ALK: variants seen among roughly 807,000 people sequenced by gnomAD.
ALK encodes the protein ALK tyrosine kinase receptor.
Under a neutral mutation model 163.1 loss-of-function variants are expected in ALK, and 74 were observed. The ratio of observed to expected loss-of-function variants is 0.45; its 90% CI spans 0.38 to 0.55. The LOEUF is 0.55. Among genes scored for constraint, ALK ranks in the 20% least tolerant of loss-of-function variants. The pLI is 0.00. For synonymous variants in ALK, 960 were observed against 843.2 expected (o/e 1.14, Z -2.40); for missense variants, 2,063 against 2,105.3 (o/e 0.98, Z 0.39).
At chr2:29,460,403 T>G (rs1033217098) in intron 4 of ALK, among the ~76,000 whole-genome samples, 1 of 152,142 alleles carries the variant, frequency 6.6e-6, no homozygotes, top group African/African-American at 2.4e-5. Flanking sequence ...CGCCTTGTTT[T>G]ATTGCACTTC....
At chr2:29,590,303 A>G (rs1334641020) in intron 3 of ALK, among the ~76,000 whole-genome samples, 2 of 152,206 alleles carry the variant, frequency 1.3e-5, no homozygotes, top group Non-Finnish European at 2.9e-5. Flanking sequence ...TAATTACTCT[A>G]CAACGGTCTA....
Position 29,831,113 on chromosome 2 carries a change from G to C in ALK, c.667+88880C>G, listed in dbSNP as rs1275481443. Among the ~76,000 whole-genome samples the C allele has an allele frequency of 3.5e-5, 2 of 56,794 alleles. 1 individual carries two copies. Among genetic ancestry groups the C allele is most frequent in the African/African-American group, 1.3e-4 (2 of 14,836 alleles). 37.3% of individuals were successfully genotyped at this position (56,794 alleles called of 152,430 possible). A position where few individuals can be genotyped will look rare whatever the true frequency, so the allele number is the denominator to read the frequency against. On this transcript the variant is annotated intron_variant, in intron 1 of 28. Coordinates refer to ENST00000389048, the MANE Select transcript of ALK (RefSeq NM_004304.5). ...AGGAGGAGGAGGAGGAGGAGGAGAA[G>C]AAGAAGAAGAAGGGGAAGAAGGGGA...
intron 23 of ALK, among the ~76,000 whole-genome samples, chr2:29,215,539 C>G (rs974232470): frequency 1.3e-5 from 2 of 152,154 alleles, no homozygotes; most frequent in African/African-American, 4.8e-5. Context: ...GCTGAGGACT[C>G]AGAGAGGCTA....
intron 4 of ALK, among the ~76,000 whole-genome samples, chr2:29,391,122 G>A (rs1343259112): frequency 6.6e-6 from 1 of 152,178 alleles, no homozygotes; most frequent in Non-Finnish European, 1.5e-5. Context: ...ATTGTCAGCT[G>A]TAAAGCAGTT....
intron 1 of ALK, among the ~76,000 whole-genome samples, chr2:29,895,382 G>C (rs1247206799): frequency 6.6e-6 from 1 of 152,182 alleles, no homozygotes; most frequent in Non-Finnish European, 1.5e-5. Context: ...AAAACACAGA[G>C]CTTTTCTTTA....
At chr2:29,456,597 C>T (rs4346337) in intron 4 of ALK, among the ~76,000 whole-genome samples, 67,427 of 151,956 alleles carry the variant, frequency 0.44, 15,463 homozygotes, top group South Asian at 0.59. Flanking sequence ...TACAGAATTA[C>T]AGTTTTCAAG....
At chr2:29,711,297 T>C (rs978944599) in intron 2 of ALK, among the ~76,000 whole-genome samples, 1 of 152,138 alleles carries the variant, frequency 6.6e-6, no homozygotes, top group Non-Finnish European at 1.5e-5. Context: ...TCCAGAACAC[T>C]CTTCTCCTGA....
intron 3 of ALK, among the ~76,000 whole-genome samples, chr2:29,547,573 G>A (rs1673589865): frequency 1.3e-5 from 2 of 152,160 alleles, no homozygotes; most frequent in South Asian, 2.1e-4. Context: ...CTCTAGCCTG[G>A]GCAACAGAGT....
chr2:29,549,373 G>A (rs555263901), intron 3 of ALK, among the ~76,000 whole-genome samples: 34 of 152,308 alleles, frequency 2.2e-4, no homozygotes, highest in Admixed American at 1.8e-3. Context: ...CCTTGGAGGA[G>A]AAGTAATTTA....
At chr2:29,653,496 C>T (rs560054890) in intron 3 of ALK, among the ~76,000 whole-genome samples, 1 of 152,018 alleles carries the variant, frequency 6.6e-6, no homozygotes, top group Admixed American at 6.6e-5. Context: ...ATGACTTTGC[C>T]TCTTGCTTAC....
At chr2:29,841,501 G>T (rs992379607) in intron 1 of ALK, among the ~76,000 whole-genome samples, 1 of 152,172 alleles carries the variant, frequency 6.6e-6, no homozygotes, top group Admixed American at 6.5e-5. Flanking sequence ...GTTAGAGAAG[G>T]ATAATAACCA....
intron 12 of ALK, among the ~76,000 whole-genome samples, chr2:29,245,449 G>A (rs111782914): frequency 0.024 from 1,471 of 61,518 alleles, 67 homozygotes; most frequent in Non-Finnish European, 0.032. Context: ...TGCCCTGCAC[G>A]TAGTAGGGGC....
chr2:29,543,952 A>T (rs1163479021), intron 3 of ALK, among the ~76,000 whole-genome samples: 3 of 152,216 alleles, frequency 2.0e-5, no homozygotes, highest in Admixed American at 1.3e-4. Context: ...ATATTCTCTG[A>T]GTGAGAACAT....
rs145269755 is a variant in ALK, at chr2:29,858,456, G to A, written c.667+61537C>T. On this transcript the variant is annotated intron_variant, in intron 1 of 28. Transcript: ENST00000389048. ...TACATGGACAAAAGGTCTGAGGCCG[G>A]GTGCGGTGGCTCATGTCTATAATCC... 3.2e-3 allele frequency among the ~76,000 whole-genome samples: 480 copies of A among 152,070 alleles called. 1 individual carries two copies. Among genetic ancestry groups the A allele is most frequent in the African/African-American group, 0.011 (445 of 41,462 alleles).
chr2:29,754,932 A>G (rs1029058015), intron 1 of ALK, among the ~76,000 whole-genome samples: 12 of 152,204 alleles, frequency 7.9e-5, no homozygotes, highest in Non-Finnish European at 1.3e-4. Context: ...TCTTGGTCTC[A>G]GGAGATGCCG....
intron 2 of ALK, among the ~76,000 whole-genome samples, chr2:29,700,847 C>G (rs73921163): frequency 0.067 from 10,177 of 152,248 alleles, 522 homozygotes; most frequent in African/African-American, 0.14. Context: ...CTTATCAAAA[C>G]CCCCTGGCTG....
chr2:29,629,660 C>T (rs1006296743), intron 3 of ALK, among the ~76,000 whole-genome samples: 4 of 152,158 alleles, frequency 2.6e-5, no homozygotes, highest in African/African-American at 9.7e-5. Context: ...AATGTTAATA[C>T]CATCTAACAT....
intron 26 of ALK, among the ~76,000 whole-genome samples, chr2:29,200,575 T>TGTATTTTA (rs1176776672): frequency 6.6e-6 from 1 of 151,858 alleles, no homozygotes; most frequent in African/African-American, 2.4e-5. Context: ...CTGACCATTT[T>TGTATTTTA]GTATTTTATC....
chr2:29,730,183 C>T (rs761278673), intron 1 of ALK, among the ~76,000 whole-genome samples: 1 of 152,152 alleles, frequency 6.6e-6, no homozygotes, highest in Non-Finnish European at 1.5e-5. Flanking sequence ...TTAGGAAGGG[C>T]AGGCCTACGG....
Sources: allele counts gnomAD v4.1 joint callset (sites outside exome capture counted in the v4.1 genomes callset), GRCh38; gene constraint gnomAD v4.1.1; transcripts MANE v1.5; gene names NCBI Gene and HGNC (gene_info 2026-07-23, HGNC 2026-07-21).